Variants in GRID1 observed in about 807,000 individuals in gnomAD.
The protein encoded by GRID1 is glutamate ionotropic receptor delta type subunit 1.
Under a neutral mutation model 98.0 loss-of-function variants are expected in GRID1, and 28 were observed. The observed-to-expected ratio is 0.29, with a 90% CI of 0.21 to 0.39. The LOEUF (loss-of-function observed/expected upper bound fraction) is 0.39, where lower values mean the gene tolerates loss of function less well. Ranked by LOEUF, GRID1 falls within the 10% of genes least tolerant of loss-of-function variation. The pLI, the probability that GRID1 is intolerant of heterozygous loss-of-function variation, is 1.00. For missense variants in GRID1, 1,111 were observed against 1,340.5 expected, an observed-to-expected ratio of 0.83 and a Z score of 2.67; for synonymous variants, 553 against 538.5, an observed-to-expected ratio of 1.03 and a Z score of -0.37.
intron 8 of GRID1, among the ~76,000 whole-genome samples, chr10:85,764,650 G>C (rs1174353603): frequency 6.6e-6 from 1 of 152,210 alleles, no homozygotes; most frequent in Non-Finnish European, 1.5e-5. Flanking sequence ...TTATTTCTGA[G>C]TCTAAGTTAG....
At chr10:86,308,701 C>A (rs867877859) in intron 2 of GRID1, among the ~76,000 whole-genome samples, 9 of 152,176 alleles carry the variant, frequency 5.9e-5, no homozygotes, top group Admixed American at 1.3e-4. Flanking sequence ...ATTCCTTACA[C>A]TTCTGGAGGC....
chr10:86,015,936 G>A (rs1842974667), intron 4 of GRID1, among the ~76,000 whole-genome samples: 1 of 152,126 alleles, frequency 6.6e-6, no homozygotes. Flanking sequence ...GTAGGAAGCT[G>A]AGGGACAGTG....
At chr10:86,050,509 C>T (rs1341613827) in intron 4 of GRID1, among the ~76,000 whole-genome samples, 1 of 151,954 alleles carries the variant, frequency 6.6e-6, no homozygotes, top group Non-Finnish European at 1.5e-5. Flanking sequence ...GAGTGCAGTA[C>T]AAAATCAATA....
chr10:85,891,436 A>C (rs1170513697), intron 5 of GRID1, among the ~76,000 whole-genome samples: 1 of 152,232 alleles, frequency 6.6e-6, no homozygotes. Flanking sequence ...ATTCAGAAGG[A>C]AATATAGCAT....
At chr10:86,159,902 A>T (rs61857803) in intron 3 of GRID1, among the ~76,000 whole-genome samples, 26,641 of 152,142 alleles carry the variant, frequency 0.18, 3,567 homozygotes, top group African/African-American at 0.37. Context: ...GTACCTAGCA[A>T]GTGGTAAGAG....
intron 12 of GRID1, among the ~76,000 whole-genome samples, chr10:85,706,036 C>T (rs1841513918): frequency 6.6e-6 from 1 of 152,176 alleles, no homozygotes; most frequent in African/African-American, 2.4e-5. Context: ...GAAGCATTCC[C>T]TTTGAAAACT....
At chr10:86,033,548 G>T (rs955942865) in intron 4 of GRID1, among the ~76,000 whole-genome samples, 3 of 152,204 alleles carry the variant, frequency 2.0e-5, no homozygotes, top group Non-Finnish European at 4.4e-5. Context: ...GCCCTTGCAG[G>T]GGGGCAGCAG....
chr10:86,141,986 G>T (rs996317033), intron 3 of GRID1, among the ~76,000 whole-genome samples: 1 of 152,220 alleles, frequency 6.6e-6, no homozygotes, highest in African/African-American at 2.4e-5. Context: ...CAAGTGACCC[G>T]CTTTGACTAT....
chr10:86,165,690 C>G (rs1474089659), intron 3 of GRID1, among the ~76,000 whole-genome samples: 1 of 152,298 alleles, frequency 6.6e-6, no homozygotes, highest in East Asian at 1.9e-4. Context: ...GAGTTGAGAT[C>G]AAGGTGAGTG....
At chr10:85,964,287 A>G (rs1374789559) in intron 4 of GRID1, among the ~76,000 whole-genome samples, 1 of 152,072 alleles carries the variant, frequency 6.6e-6, no homozygotes, top group East Asian at 1.9e-4. Context: ...AAAAAACATG[A>G]AAAAATAAAT....
chr10:86,104,855 T>G (rs1284580012), intron 4 of GRID1, among the ~76,000 whole-genome samples: 2 of 152,162 alleles, frequency 1.3e-5, no homozygotes, highest in Non-Finnish European at 2.9e-5. Context: ...GCATGGCCGA[T>G]GAAGTGCCTA....
intron 2 of GRID1, among the ~76,000 whole-genome samples, chr10:86,338,005 G>A (rs967551157): frequency 1.3e-5 from 2 of 152,216 alleles, no homozygotes; most frequent in African/African-American, 4.8e-5. Flanking sequence ...ACCGTACCTG[G>A]CCTGGAACTT....
chr10:85,953,156 T>C (rs75241808), intron 4 of GRID1, among the ~76,000 whole-genome samples: 7,985 of 152,054 alleles, frequency 0.053, 251 homozygotes, highest in Middle Eastern at 0.11. Flanking sequence ...TAGTATTCCA[T>C]GGTGGTACAT....
chr10:85,968,413 T>C (rs1462133306), intron 4 of GRID1, among the ~76,000 whole-genome samples: 4 of 135,558 alleles, frequency 3.0e-5, no homozygotes, highest in Non-Finnish European at 6.1e-5. Context: ...ATCGCGCCAC[T>C]GCACTCTAGC....
intron 5 of GRID1, among the ~76,000 whole-genome samples, chr10:85,911,304 G>A (rs755019571): frequency 2.6e-5 from 4 of 152,182 alleles, no homozygotes; most frequent in Non-Finnish European, 5.9e-5. Context: ...TTGGAAAGAA[G>A]TACGCTGAGT....
intron 4 of GRID1, among the ~76,000 whole-genome samples, chr10:86,112,266 G>A (rs568142267): frequency 6.6e-6 from 1 of 152,180 alleles, no homozygotes; most frequent in Non-Finnish European, 1.5e-5. Context: ...GATGAGGCGT[G>A]GCCCAGCTCT....
At chr10:85,852,740 T>G (rs1843071513) in intron 8 of GRID1, among the ~76,000 whole-genome samples, 1 of 152,166 alleles carries the variant, frequency 6.6e-6, no homozygotes, top group African/African-American at 2.4e-5. Context: ...CTTGTGGTCA[T>G]GACCCAGACC....
chr10:85,748,348 T>G (rs1268120199), intron 8 of GRID1, among the ~76,000 whole-genome samples: 3 of 152,172 alleles, frequency 2.0e-5, no homozygotes, highest in African/African-American at 7.2e-5. Context: ...CCTTAGTCAA[T>G]TCATGTGACT....
At chr10:86,209,918 T>C (rs1846083530) in intron 2 of GRID1, among the ~76,000 whole-genome samples, 1 of 152,176 alleles carries the variant, frequency 6.6e-6, no homozygotes, top group South Asian at 2.1e-4. Context: ...CATCTGGGCA[T>C]GCATGCCACT....
Sources: gnomAD v4.1 joint callset for allele counts (sites outside exome capture counted in the v4.1 genomes callset) on GRCh38, gnomAD v4.1.1 for gene constraint, MANE v1.5 for transcripts, NCBI Gene and HGNC (gene_info 2026-07-23, HGNC 2026-07-21) for gene names.